Variants in ING5 observed in about 807,000 individuals in gnomAD.
ING5 encodes the protein inhibitor of growth protein 5.
ING5 carries 17 observed loss-of-function variants against 37.4 expected under a neutral mutation model. The observed-to-expected ratio is 0.45, with a 90% CI of 0.31 to 0.68. The LOEUF is 0.68. Ranked by LOEUF, ING5 falls within the 30% of genes least tolerant of loss-of-function variation. The probability of loss-of-function intolerance (pLI) is 0.05; values close to 1 mark genes in which losing one functional copy is unlikely to be tolerated. For synonymous variants in ING5, 123 were observed against 116.6 expected (o/e 1.06, Z -0.36); for missense variants, 233 against 311.9 (o/e 0.75, Z 1.91).
intron 5 of ING5, among the ~76,000 whole-genome samples, chr2:241,714,729 G>A (rs556317991): frequency 2.2e-3 from 332 of 151,782 alleles, no homozygotes; most frequent in Admixed American, 3.5e-3. Flanking sequence ...CTCAGCTCCC[G>A]AGTAGCTGGG....
intron 2 of ING5, among the ~76,000 whole-genome samples, chr2:241,690,816 T>C (rs200056116): frequency 6.6e-6 from 1 of 151,086 alleles, no homozygotes. Context: ...TTTTTTTTTT[T>C]CTTTTTTTCC....
chr2:241,702,326 C>T (rs1051603219), intron 1 of ING5, among the ~76,000 whole-genome samples: 6 of 150,300 alleles, frequency 4.0e-5, no homozygotes, highest in African/African-American at 1.2e-4. Context: ...CGCGCCAATT[C>T]CAGGTGCGTC....
intron 7 of ING5, chr2:241,724,043 T>C (rs1691502646): frequency 7.2e-7 from 1 of 1,393,104 alleles, no homozygotes; most frequent in East Asian, 2.7e-5. Flanking sequence ...AACCTGGCTT[T>C]GTTTGCCTGT....
chr2:241,722,027 G>A, intron 5 of ING5: 1 of 985,460 alleles, frequency 1.0e-6, no homozygotes, highest in Non-Finnish European at 1.2e-6. Context: ...AGCTGGGTGG[G>A]TGGTGGGCGG....
chr2:241,718,660 C>T (rs1216075337), intron 5 of ING5, among the ~76,000 whole-genome samples: 1 of 152,048 alleles, frequency 6.6e-6, no homozygotes, highest in Non-Finnish European at 1.5e-5. Flanking sequence ...GGTGGATCTG[C>T]CTGTTTTTGG....
rs554670091 is a variant in ING5 at position 241,729,077 on chromosome 2, C to T, written c.*4046C>T. On this transcript the variant is annotated 3_prime_UTR_variant, in exon 8 of 8. Transcript: ENST00000313552. ...AGGTCTTCATGGTTTAGAGTAAAAC[C>T]GTGAGGGATGTTAATTATGGGCATT... 4 of 152,396 alleles carry T rather than the reference C, an allele frequency of 2.6e-5. No homozygotes were observed. The highest frequency in any genetic ancestry group is 1.9e-4 in the East Asian group (1 of 5,190). 9.4% of individuals were successfully genotyped at this position (152,396 alleles called of 1,614,324 possible). A position where few individuals can be genotyped will look rare whatever the true frequency, so the allele number is the denominator to read the frequency against.
At chr2:241,688,224 G>A (rs2069482045) in intron 1 of ING5, among the ~76,000 whole-genome samples, 2 of 152,186 alleles carry the variant, frequency 1.3e-5, no homozygotes, top group South Asian at 4.1e-4. Context: ...TCTACCAGAC[G>A]AGGCACTCTT....
At chr2:241,709,417 G>A in intron 3 of ING5, 35 bp downstream of exon 3, 1 of 1,582,170 alleles carries the variant, frequency 6.3e-7, no homozygotes, top group South Asian at 1.1e-5. Flanking sequence ...CTCTTCCTCT[G>A]ACCTCTACTC....
At chr2:241,713,875 A>G (rs2070190947) in intron 5 of ING5, among the ~76,000 whole-genome samples, 1 of 151,912 alleles carries the variant, frequency 6.6e-6, no homozygotes, top group Non-Finnish European at 1.5e-5. Flanking sequence ...CTGTAATCCC[A>G]GCTACTCGGG....
At chr2:241,707,693 T>C (rs1055276930) in intron 2 of ING5, among the ~76,000 whole-genome samples, 1 of 152,216 alleles carries the variant, frequency 6.6e-6, no homozygotes, top group African/African-American at 2.4e-5. Flanking sequence ...AAATGTAACA[T>C]ATATTCAGGA....
At chr2:241,707,930 G>A (rs1575125918) in intron 2 of ING5, among the ~76,000 whole-genome samples, 1 of 151,634 alleles carries the variant, frequency 6.6e-6, no homozygotes, top group Non-Finnish European at 1.5e-5. Flanking sequence ...ACGGAGTCTC[G>A]CTTTACCATC....
upstream of ING5, among the ~76,000 whole-genome samples, chr2:241,697,763 C>CATTTGACAA (rs1371386380): frequency 6.6e-6 from 1 of 152,090 alleles, no homozygotes; most frequent in Non-Finnish European, 1.5e-5. Context: ...GGGTAGCTGA[C>CATTTGACAA]ATTATACATT....
At chr2:241,720,383 A>G (rs894001488) in intron 5 of ING5, 1 of 1,170,892 alleles carries the variant, frequency 8.5e-7, no homozygotes, top group African/African-American at 1.6e-5. Context: ...GTCCCTGTGG[A>G]CTGCCCTCTT....
At chr2:241,715,472 ATTTTTTTTTT>A (rs34545938) in intron 5 of ING5, among the ~76,000 whole-genome samples, 3 of 70,944 alleles carry the variant, frequency 4.2e-5, no homozygotes, top group Non-Finnish European at 7.6e-5. Context: ...CTGGAATAGA[ATTTTTTTTTT>A]TTTTTTTTTT....
chr2:241,708,038 T>TA (rs2069978940), intron 2 of ING5, among the ~76,000 whole-genome samples: 2 of 152,004 alleles, frequency 1.3e-5, no homozygotes, highest in South Asian at 4.2e-4. Flanking sequence ...GCTGGGACCA[T>TA]AGGCACGTAA....
intron 7 of ING5, chr2:241,724,171 G>C: frequency 1.5e-6 from 1 of 668,408 alleles, no homozygotes; most frequent in Non-Finnish European, 2.0e-6. Flanking sequence ...ACTCGCCCGA[G>C]TTGGTAAGAG....
At chr2:241,705,422 G>T (rs1436094730) in intron 2 of ING5, among the ~76,000 whole-genome samples, 1 of 109,286 alleles carries the variant, frequency 9.2e-6, no homozygotes, top group Non-Finnish European at 1.8e-5. Flanking sequence ...TTTTGAGACA[G>T]AGTCTCACTC....
intron 2 of ING5, among the ~76,000 whole-genome samples, chr2:241,705,763 C>T (rs757224416): frequency 6.6e-6 from 1 of 152,126 alleles, no homozygotes; most frequent in Non-Finnish European, 1.5e-5. Flanking sequence ...TTTTATCTCT[C>T]GTCAGTTTTA....
chr2:241,709,555 GTTTTT>G (rs10629648), intron 3 of ING5, among the ~76,000 whole-genome samples, 173 bp downstream of exon 3: 1 of 130,116 alleles, frequency 7.7e-6, no homozygotes, highest in Non-Finnish European at 1.6e-5. Flanking sequence ...GACCATCCCT[GTTTTT>G]TTTTTTTTTT....
Sources: gnomAD v4.1 joint callset for allele counts (sites outside exome capture counted in the v4.1 genomes callset) on GRCh38, gnomAD v4.1.1 for gene constraint, MANE v1.5 for transcripts, NCBI Gene and HGNC (gene_info 2026-07-23, HGNC 2026-07-21) for gene names.